PPFIA2: variants seen among roughly 807,000 people sequenced by gnomAD.
PPFIA2 encodes PPFI scaffold protein A2, also known as liprin-alpha-2.
PPFIA2 carries 46 observed loss-of-function variants against 175.5 expected under a neutral mutation model. The observed-to-expected ratio is 0.26, with a 90% CI of 0.21 to 0.34. The LOEUF is 0.34. PPFIA2 is among the 10% of genes least tolerant of loss of function. PPFIA2 has a pLI of 1.00. For synonymous variants in PPFIA2, 568 were observed against 511.4 expected, an observed-to-expected ratio of 1.11 and a Z score of -1.49; for missense variants, 1,179 against 1,506.1, an observed-to-expected ratio of 0.78 and a Z score of 3.60.
At chr12:81,725,771 G>A (rs1229077437) in intron 3 of PPFIA2, among the ~76,000 whole-genome samples, 1 of 150,618 alleles carries the variant, frequency 6.6e-6, no homozygotes, top group Admixed American at 6.6e-5. Flanking sequence ...CAAGAAATAA[G>A]GGGGAGGAGA....
At chr12:81,439,951 G>A (rs2049862182) in intron 7 of PPFIA2, 21 bp downstream of exon 7, 1 of 1,595,510 alleles carries the variant, frequency 6.3e-7, no homozygotes, top group Non-Finnish European at 8.5e-7. Flanking sequence ...CCTCAAAAGA[G>A]GAGAAAGTGT....
intron 4 of PPFIA2, among the ~76,000 whole-genome samples, chr12:81,517,664 A>AT (rs997723592): frequency 3.5e-4 from 54 of 152,250 alleles, no homozygotes; most frequent in African/African-American, 1.2e-3. Flanking sequence ...GTAGCTTTCC[A>AT]TATTCTGCAA....
chr12:81,724,168 C>T (rs1307926875), intron 3 of PPFIA2, among the ~76,000 whole-genome samples: 1 of 150,664 alleles, frequency 6.6e-6, no homozygotes, highest in Non-Finnish European at 1.5e-5. Flanking sequence ...TTTTAAAAGG[C>T]CATATTTGAC....
At chr12:81,478,368 G>T (rs1202104607) in intron 4 of PPFIA2, among the ~76,000 whole-genome samples, 1 of 151,832 alleles carries the variant, frequency 6.6e-6, no homozygotes, top group Non-Finnish European at 1.5e-5. Context: ...ACCACATTCT[G>T]GATTCATTGA....
At chr12:81,332,520 A>G (rs1451225504) in intron 21 of PPFIA2, among the ~76,000 whole-genome samples, 1 of 152,162 alleles carries the variant, frequency 6.6e-6, no homozygotes, top group Non-Finnish European at 1.5e-5. Context: ...ATTAACCCAG[A>G]ACTCTCTCCA....
chr12:81,508,259 C>T (rs539443194), intron 4 of PPFIA2, among the ~76,000 whole-genome samples: 20 of 151,924 alleles, frequency 1.3e-4, no homozygotes, highest in Non-Finnish European at 2.5e-4. Context: ...CGGTGGGTCA[C>T]GCCTGTAATC....
chr12:81,695,842 G>T lies in PPFIA2; in HGVS notation c.250-18998C>A, dbSNP rs191165281. Among the ~76,000 whole-genome samples, 433 of 152,158 alleles carry T rather than the reference G, an allele frequency of 2.8e-3. 3 individuals carry two copies. Among genetic ancestry groups the T allele is most frequent in the Non-Finnish European group, 4.8e-3 (324 of 68,002 alleles). On this transcript the variant is annotated intron_variant, in intron 3 of 32. Transcript: ENST00000549396. ...TTGCACTTTATATTTCCCAACTCTG[G>T]TTTCCTTTGGCAATTCCCTGACCTC...
In PPFIA2 at chr12:81,369,473, C is replaced by T. The variant is rs960134437; in HGVS notation, c.1267-279G>A. On this transcript the variant is annotated intron_variant, in intron 11 of 32. Transcript: ENST00000549396. ...GACTGTGCATGGTTTGAACACAAAC[C>T]TGCCATTGTCCAATCTTAAGCTCCT... 52 of 1,244,598 alleles carry T rather than the reference C, an allele frequency of 4.2e-5. No homozygotes were observed. In the South Asian group the frequency reaches 8.0e-4, roughly 19 times the overall value. The allele number at this position is 1,244,598 out of a possible 1,614,324, so 77.1% of individuals were successfully genotyped here. A position where few individuals can be genotyped will look rare whatever the true frequency, so the allele number is the denominator to read the frequency against.
intron 4 of PPFIA2, among the ~76,000 whole-genome samples, chr12:81,486,095 G>T (rs186104902): frequency 1.3e-5 from 2 of 151,892 alleles, no homozygotes; most frequent in Admixed American, 6.6e-5. Flanking sequence ...TAACACATAG[G>T]ATTAATAGTA....
chr12:81,369,716 G>T (rs963139232), intron 11 of PPFIA2, among the ~76,000 whole-genome samples: 6 of 151,624 alleles, frequency 4.0e-5, no homozygotes, highest in Non-Finnish European at 5.9e-5. Flanking sequence ...AGACTAACGA[G>T]TCAAGGAAAA....
At chr12:81,427,936 T>C (rs1292663700) in intron 7 of PPFIA2, among the ~76,000 whole-genome samples, 1 of 152,006 alleles carries the variant, frequency 6.6e-6, no homozygotes, top group Non-Finnish European at 1.5e-5. Flanking sequence ...TAGTAAATGA[T>C]AGCTCTATAA....
At chr12:81,474,222 T>C (rs2057171350) in intron 4 of PPFIA2, among the ~76,000 whole-genome samples, 1 of 152,192 alleles carries the variant, frequency 6.6e-6, no homozygotes, top group African/African-American at 2.4e-5. Flanking sequence ...AGTGGTGCTC[T>C]CTCGGCTCAC....
chr12:81,609,997 G>C (rs1372653006), intron 4 of PPFIA2, among the ~76,000 whole-genome samples: 2 of 152,128 alleles, frequency 1.3e-5, no homozygotes, highest in Non-Finnish European at 2.9e-5. Context: ...ATATTTGCTT[G>C]TCTGAGAAGG....
chr12:81,618,481 T>C (rs1043001644), intron 4 of PPFIA2, among the ~76,000 whole-genome samples: 3 of 151,520 alleles, frequency 2.0e-5, no homozygotes, highest in African/African-American at 7.3e-5. Context: ...TTCTGAATAA[T>C]TAAAAGAACT....
chr12:81,747,139 A>T (rs957654277), intron 3 of PPFIA2, among the ~76,000 whole-genome samples: 14 of 144,384 alleles, frequency 9.7e-5, no homozygotes, highest in African/African-American at 3.4e-4. Context: ...GCCAAAAGAA[A>T]AAATAACTAG....
rs567255430 is a variant in PPFIA2, at chr12:81,468,348, C to T, written c.304-10482G>A. Among the ~76,000 whole-genome samples, 5 of 152,294 alleles carry T rather than the reference C, an allele frequency of 3.3e-5. No individual in the cohort carries two copies. The East Asian group carries it at 9.7e-4, about 29-fold the overall frequency. On this transcript the variant is annotated intron_variant, in intron 4 of 32. Transcript: ENST00000549396. ...TTATTAAAACTCGACATTCTAAGTA[C>T]ATTAGTACAATCACCAGGCCCAGTA...
intron 4 of PPFIA2, among the ~76,000 whole-genome samples, chr12:81,539,294 A>G (rs1247843310): frequency 6.6e-6 from 1 of 151,910 alleles, no homozygotes; most frequent in Admixed American, 6.6e-5. Context: ...GGCAGGAAAT[A>G]TACATTTGAG....
chr12:81,279,572 T>C (rs145663049), intron 27 of PPFIA2, among the ~76,000 whole-genome samples: 1 of 152,312 alleles, frequency 6.6e-6, no homozygotes, highest in East Asian at 1.9e-4. Flanking sequence ...TAGGATGCAA[T>C]ATACAGTCAG....
chr12:81,639,989 C>T (rs1489105454), intron 4 of PPFIA2, among the ~76,000 whole-genome samples: 6 of 152,104 alleles, frequency 3.9e-5, no homozygotes, highest in African/African-American at 1.4e-4. Context: ...ATTATTTATA[C>T]CTGCTAGTGC....
Sources: allele counts gnomAD v4.1 joint callset (sites outside exome capture counted in the v4.1 genomes callset), GRCh38; gene constraint gnomAD v4.1.1; transcripts MANE v1.5; gene names NCBI Gene and HGNC (gene_info 2026-07-23, HGNC 2026-07-21).